The following PDK1 variants were observed in gnomAD, a reference collection of about 807,000 sequenced individuals.
The protein encoded by PDK1 is pyruvate dehydrogenase kinase 1.
PDK1 carries 39 observed loss-of-function variants against 54.2 expected under a neutral mutation model. The observed-to-expected ratio is 0.72, with a 90% CI of 0.56 to 0.94. PDK1 has a LOEUF of 0.94. PDK1 is among the 40% of genes least tolerant of loss of function. The probability of loss-of-function intolerance (pLI) is 0.00; values close to 1 mark genes in which losing one functional copy is unlikely to be tolerated. For synonymous variants in PDK1, 221 were observed against 207.1 expected, an observed-to-expected ratio of 1.07 and a Z score of -0.58; for missense variants, 552 against 566.0, an observed-to-expected ratio of 0.98 and a Z score of 0.25.
At position 172,599,603 on chromosome 2, in the gene PDK1, ATAAT is replaced by A. The variant is rs1056798468; in HGVS notation, c.*3639_*3642del. On this transcript the variant is annotated 3_prime_UTR_variant, in exon 11 of 11. Transcript: ENST00000282077. Reference sequence around the variant, plus strand: ...AAACCCAATGCACTTGAAAAATAATATAATTAATACTGTGTGAAGAATTTTTTGC... The same window carrying A: ...AAACCCAATGCACTTGAAAAATAATATAATACTGTGTGAAGAATTTTTTGC... 6 of 152,334 alleles carry A rather than the reference ATAAT, an allele frequency of 3.9e-5. No homozygotes were observed. Among genetic ancestry groups the A allele is most frequent in the African/African-American group, 1.4e-4 (6 of 41,582 alleles). The allele number at this position is 152,334 out of a possible 1,614,324, so 9.4% of individuals were successfully genotyped here. A position where few individuals can be genotyped will look rare whatever the true frequency, so the allele number is the denominator to read the frequency against.
At chr2:172,637,693 T>C in the PDK1 span, among the ~76,000 whole-genome samples, 3 of 151,952 alleles carry the variant, frequency 2.0e-5, no homozygotes, top group Non-Finnish European at 4.4e-5. Flanking sequence ...TGCATTTATC[T>C]TCTTATTTTT....
Position 172,556,099 on chromosome 2 carries a change from A to G in PDK1, c.-52A>G, listed in dbSNP as rs1688299835. ...ACGTCCCTCACGTACCACTCGGCAG[A>G]GGCGCGGGGAAACCTGGCGTACTGG... On this transcript the variant is annotated 5_prime_UTR_variant, in exon 1 of 11. Coordinates refer to ENST00000282077, the MANE Select transcript of PDK1 (RefSeq NM_002610.5). 3.1e-6 allele frequency: 4 copies of G among 1,292,434 alleles called. No individual in the cohort carries two copies. Among genetic ancestry groups the G allele is most frequent in the Non-Finnish European group, 4.0e-6 (4 of 1,005,252 alleles). 80.1% of individuals were successfully genotyped at this position (1,292,434 alleles called of 1,614,324 possible).
At chr2:172,647,276 A>G in the PDK1 span, among the ~76,000 whole-genome samples, 1 of 152,156 alleles carries the variant, frequency 6.6e-6, no homozygotes, top group Non-Finnish European at 1.5e-5. Flanking sequence ...CGCAGGGAAT[A>G]TGATGGATCG....
the PDK1 span, among the ~76,000 whole-genome samples, chr2:172,679,350 GGC>G: frequency 6.6e-6 from 1 of 152,046 alleles, no homozygotes; most frequent in Non-Finnish European, 1.5e-5. Flanking sequence ...GGGAAGCTGT[GGC>G]AGGAGGATCA....
the PDK1 span, among the ~76,000 whole-genome samples, chr2:172,681,842 TC>T: frequency 6.6e-6 from 1 of 152,156 alleles, no homozygotes; most frequent in Non-Finnish European, 1.5e-5. Context: ...CACTGCAACT[TC>T]CATCTCCCAG....
the PDK1 span, chr2:172,723,566 A>T: frequency 2.0e-5 from 3 of 152,228 alleles, no homozygotes; most frequent in African/African-American, 4.8e-5. Flanking sequence ...AAGAATTTTT[A>T]AAAATGGTTG....
At position 172,581,235 on chromosome 2, in the gene PDK1, C is replaced by T. The variant is rs142280408; in HGVS notation, c.946-5043C>T. Among the ~76,000 whole-genome samples, 519 of 152,176 alleles carry T rather than the reference C, an allele frequency of 3.4e-3. 3 individuals are homozygous for T. Among genetic ancestry groups the T allele is most frequent in the African/African-American group, 0.011 (442 of 41,502 alleles). On this transcript the variant is annotated intron_variant, in intron 8 of 10. Coordinates refer to ENST00000282077, the MANE Select transcript of PDK1 (RefSeq NM_002610.5). Reference sequence around the variant, plus strand: ...AGTCCCTAGTAGCTGGGACTACAGGCGCCTGCTACCACACCTGGCTAATTC... The same window carrying T: ...AGTCCCTAGTAGCTGGGACTACAGGTGCCTGCTACCACACCTGGCTAATTC...
chr2:172,558,850 G>T lies in PDK1; in HGVS notation c.338+1G>T. On this transcript the variant is annotated splice_donor_variant, in intron 2 of 10. Transcript: ENST00000282077. LOFTEE classifies it high-confidence loss of function. Reference sequence around the variant, plus strand: ...CATCCGTTCAATTGGTACAAAGCTGGTAAGATTCTCATCTTGTGTTTGCAA... The same window carrying T: ...CATCCGTTCAATTGGTACAAAGCTGTTAAGATTCTCATCTTGTGTTTGCAA... 6.2e-7 allele frequency: 1 copy of T among 1,608,054 alleles called. No individual in the cohort carries two copies. The highest frequency in any genetic ancestry group is 8.5e-7 in the Non-Finnish European group (1 of 1,178,100).
At chr2:172,646,926 G>A in the PDK1 span, among the ~76,000 whole-genome samples, 11 of 151,560 alleles carry the variant, frequency 7.3e-5, no homozygotes, top group Non-Finnish European at 1.5e-4. Flanking sequence ...TAGTAGAGAC[G>A]GGGTTTCACC....
the PDK1 span, among the ~76,000 whole-genome samples, chr2:172,634,571 C>A: frequency 1.3e-5 from 2 of 152,040 alleles, no homozygotes; most frequent in Non-Finnish European, 2.9e-5. Flanking sequence ...CCATTTCCAG[C>A]CGTAATCTAC....
chr2:172,571,701 T>G (rs983722562), intron 8 of PDK1, among the ~76,000 whole-genome samples: 16 of 152,158 alleles, frequency 1.1e-4, no homozygotes, highest in Non-Finnish European at 1.9e-4. Context: ...GTGTTTTTCT[T>G]TTTTAATAAT....
the PDK1 span, among the ~76,000 whole-genome samples, chr2:172,633,731 C>T: frequency 6.6e-6 from 1 of 150,620 alleles, no homozygotes; most frequent in Non-Finnish European, 1.5e-5. Context: ...TATGTATTAG[C>T]TTTATTTTAT....
Position 172,558,844 on chromosome 2 carries a change from A to C in PDK1, c.333A>C (p.Gln111His), listed in dbSNP as rs150453953. Residue 111 changes from glutamine to histidine, a missense_variant, in exon 2 of 11, where the codon CAA (glutamine) becomes CAC (histidine). By Grantham distance (24) the Gln-to-His change is conservative. Transcript: ENST00000282077. ...GGACACCATCCGTTCAATTGGTACA[A>C]AGCTGGTAAGATTCTCATCTTGTGT... ...LLRTPSVQLV[Q>H]SWYIQSLQEL... is the part of the protein sequence containing the mutation. 3.1e-6 allele frequency: 5 copies of C among 1,609,666 alleles called. No homozygotes were observed. The highest frequency in any genetic ancestry group is 3.4e-6 in the Non-Finnish European group (4 of 1,178,712).
chr2:172,659,219 C>CA, the PDK1 span, among the ~76,000 whole-genome samples: 3 of 152,164 alleles, frequency 2.0e-5, no homozygotes, highest in African/African-American at 7.2e-5. Context: ...AACACTTAGA[C>CA]AAAATATCAT....
chr2:172,571,896 G>A (rs1017649886), intron 8 of PDK1, among the ~76,000 whole-genome samples: 1 of 127,770 alleles, frequency 7.8e-6, no homozygotes, highest in Non-Finnish European at 1.6e-5. Context: ...GCGGTAGTGT[G>A]ATCTCGCCCA....
the PDK1 span, among the ~76,000 whole-genome samples, chr2:172,675,859 T>C: frequency 6.6e-6 from 1 of 152,150 alleles, no homozygotes; most frequent in Non-Finnish European, 1.5e-5. Flanking sequence ...GCCAATGGCT[T>C]CAAGGCTCCA....
At chr2:172,562,659 A>G (rs1688718677) in intron 3 of PDK1, 1 of 785,908 alleles carries the variant, frequency 1.3e-6, no homozygotes, top group African/African-American at 1.7e-5. Context: ...TTTTAAAGGA[A>G]AGCTACAAGT....
the PDK1 span, among the ~76,000 whole-genome samples, chr2:172,631,113 A>G: frequency 2.0e-5 from 3 of 152,362 alleles, no homozygotes; most frequent in African/African-American, 7.2e-5. Flanking sequence ...ACAATGAGCC[A>G]ATTTTCCAAA....
At chr2:172,560,798 C>T (rs1688616245) in intron 2 of PDK1, among the ~76,000 whole-genome samples, 3 of 152,162 alleles carry the variant, frequency 2.0e-5, no homozygotes, top group South Asian at 4.1e-4. Context: ...CATGGAGCCA[C>T]CTATATACAG....
Sources: allele counts gnomAD v4.1 joint callset (sites outside exome capture counted in the v4.1 genomes callset), GRCh38; gene constraint gnomAD v4.1.1; transcripts MANE v1.5; gene names NCBI Gene and HGNC (gene_info 2026-07-23, HGNC 2026-07-21).